Variants in MGAT4C observed in about 807,000 individuals in gnomAD.
The protein encoded by MGAT4C is MGAT4 family member C, also known as alpha-1,3-mannosyl-glycoprotein 4-beta-N-acetylglucosaminyltransferase C.
Under a neutral mutation model 40.1 loss-of-function variants are expected in MGAT4C, and 19 were observed. The observed-to-expected ratio is 0.47, with a 90% CI of 0.33 to 0.70. The LOEUF is 0.70. MGAT4C is among the 30% of genes least tolerant of loss of function. The pLI is 0.02. For synonymous variants in MGAT4C, 181 were observed against 187.1 expected, an observed-to-expected ratio of 0.97 and a Z score of 0.27; for missense variants, 491 against 563.2, an observed-to-expected ratio of 0.87 and a Z score of 1.30.
At chr12:86,808,391 G>GA (rs1952404779) in intron 1 of MGAT4C, among the ~76,000 whole-genome samples, 2 of 151,976 alleles carry the variant, frequency 1.3e-5, no homozygotes, top group South Asian at 4.1e-4. Context: ...TAAAATACTG[G>GA]AAAACCAAAT....
chr12:86,718,152 A>G (rs927095569), intron 2 of MGAT4C, among the ~76,000 whole-genome samples: 3 of 152,202 alleles, frequency 2.0e-5, no homozygotes, highest in African/African-American at 7.2e-5. Context: ...CGGGCTTTAA[A>G]TGCCTAACAC....
At chr12:86,065,113 G>A (rs894630524) in intron 1 of MGAT4C, among the ~76,000 whole-genome samples, 1 of 152,154 alleles carries the variant, frequency 6.6e-6, no homozygotes, top group Non-Finnish European at 1.5e-5. Flanking sequence ...CAGATTCACA[G>A]CTGCATTCTA....
intron 1 of MGAT4C, among the ~76,000 whole-genome samples, chr12:86,774,335 C>A (rs1177403766): frequency 1.0e-4 from 11 of 106,240 alleles, no homozygotes; most frequent in African/African-American, 3.6e-4. Context: ...TTCTTTCTTT[C>A]TTTCTGTCTC....
chr12:86,315,648 G>C (rs1318162850), intron 4 of MGAT4C, among the ~76,000 whole-genome samples: 1 of 152,184 alleles, frequency 6.6e-6, no homozygotes, highest in African/African-American at 2.4e-5. Context: ...GGAGCTTGCA[G>C]TGAGCCGAGA....
At chr12:86,038,725 CCATTT>C (rs1315399960) in intron 2 of MGAT4C, among the ~76,000 whole-genome samples, 2 of 149,568 alleles carry the variant, frequency 1.3e-5, no homozygotes, top group Non-Finnish European at 3.0e-5. Context: ...GGCATTTAGC[CCATTT>C]ACATTTAAGG....
intron 3 of MGAT4C, among the ~76,000 whole-genome samples, chr12:86,399,181 A>G (rs1364582895): frequency 2.0e-5 from 3 of 151,786 alleles, no homozygotes; most frequent in East Asian, 3.9e-4. Context: ...CATGTTGGCC[A>G]GGATAGTCTC....
At chr12:86,231,702 C>T (rs565660038) in intron 1 of MGAT4C, among the ~76,000 whole-genome samples, 1 of 152,036 alleles carries the variant, frequency 6.6e-6, no homozygotes, top group Non-Finnish European at 1.5e-5. Context: ...GTATAGAATT[C>T]TAACATTCAT....
chr12:86,000,536 C>G (rs926973387), intron 2 of MGAT4C, among the ~76,000 whole-genome samples: 4 of 152,128 alleles, frequency 2.6e-5, no homozygotes, highest in Non-Finnish European at 4.4e-5. Flanking sequence ...AAACATCCCT[C>G]TCAAAACATT....
intron 2 of MGAT4C, among the ~76,000 whole-genome samples, chr12:86,631,886 A>G (rs969930924): frequency 2.0e-5 from 3 of 152,110 alleles, no homozygotes; most frequent in African/African-American, 4.8e-5. Context: ...AATGGCAACA[A>G]AAGCTAAAAT....
intron 2 of MGAT4C, among the ~76,000 whole-genome samples, chr12:86,012,781 C>CAACAACAACAACAACA (rs763608266): frequency 1.0e-4 from 10 of 98,260 alleles, no homozygotes; most frequent in Middle Eastern, 4.5e-3. Context: ...CAACAACAAC[C>CAACAACAACAACAACA]ACCACCACCA....
chr12:86,012,626 C>T (rs1565857515), intron 2 of MGAT4C, among the ~76,000 whole-genome samples: 1 of 151,922 alleles, frequency 6.6e-6, no homozygotes, highest in Non-Finnish European at 1.5e-5. Flanking sequence ...GTGGTGGGCG[C>T]CTGTAATCCT....
chr12:86,205,192 CAG>C (rs1261016080), intron 1 of MGAT4C, among the ~76,000 whole-genome samples: 1 of 151,682 alleles, frequency 6.6e-6, no homozygotes, highest in Non-Finnish European at 1.5e-5. Flanking sequence ...TTTAATGAAA[CAG>C]AAATGTAACA....
intron 4 of MGAT4C, among the ~76,000 whole-genome samples, chr12:86,321,826 G>T (rs568342549): frequency 6.6e-6 from 1 of 151,994 alleles, no homozygotes; most frequent in Admixed American, 6.6e-5. Flanking sequence ...GATTCCTCAG[G>T]GATCTAGAAC....
rs184026004 is a variant in MGAT4C, at chr12:86,547,658, G to C, written c.-228-112393C>G. Among the ~76,000 whole-genome samples, 22 of 152,120 alleles carry C rather than the reference G, an allele frequency of 1.4e-4. 1 individual carries two copies. Among genetic ancestry groups the C allele is most frequent in the Admixed American group, 1.1e-3 (17 of 15,262 alleles). On this transcript the variant is annotated intron_variant, in intron 2 of 7. Coordinates refer to the MGAT4C transcript ENST00000548651. ...TTTTGTTTATTACTTGGAAGAAAAA[G>C]AAAACTAATTTAGAGTAGAGTTAAA...
At chr12:86,319,908 A>C (rs1402908831) in intron 4 of MGAT4C, among the ~76,000 whole-genome samples, 1 of 152,222 alleles carries the variant, frequency 6.6e-6, no homozygotes, top group African/African-American at 2.4e-5. Context: ...TGAAAAGAAG[A>C]AATGAAATTT....
At chr12:86,184,380 A>C (rs1265454475) in intron 1 of MGAT4C, among the ~76,000 whole-genome samples, 1 of 151,986 alleles carries the variant, frequency 6.6e-6, no homozygotes, top group South Asian at 2.1e-4. Flanking sequence ...CGTTTAAAAA[A>C]AAAAAAAAGC....
intron 3 of MGAT4C, among the ~76,000 whole-genome samples, chr12:86,432,200 A>G (rs1565758429): frequency 6.6e-6 from 1 of 152,124 alleles, no homozygotes; most frequent in African/African-American, 2.4e-5. Context: ...TAATGTAACT[A>G]CCTCAGAAAA....
At chr12:86,691,746 T>C (rs529280549) in intron 2 of MGAT4C, among the ~76,000 whole-genome samples, 1 of 152,010 alleles carries the variant, frequency 6.6e-6, no homozygotes, top group Admixed American at 6.6e-5. Flanking sequence ...ATACAACGTA[T>C]CCAAACACAC....
At chr12:86,178,247 T>C (rs1033169154) in intron 1 of MGAT4C, among the ~76,000 whole-genome samples, 2 of 152,224 alleles carry the variant, frequency 1.3e-5, no homozygotes, top group African/African-American at 4.8e-5. Context: ...ATTTTACTTA[T>C]TATTGAAAAA....
Sources: gnomAD v4.1 joint callset for allele counts (sites outside exome capture counted in the v4.1 genomes callset) on GRCh38, gnomAD v4.1.1 for gene constraint, MANE v1.5 for transcripts, NCBI Gene and HGNC (gene_info 2026-07-23, HGNC 2026-07-21) for gene names.